The following PIK3C2G variants were observed in gnomAD, a reference collection of about 807,000 sequenced individuals.
PIK3C2G encodes phosphatidylinositol-4-phosphate 3-kinase catalytic subunit type 2 gamma.
In PIK3C2G, 168 loss-of-function variants were observed where a neutral mutation model predicts 181.1. The ratio of observed to expected loss-of-function variants is 0.93; its 90% CI spans 0.82 to 1.05. PIK3C2G has a LOEUF of 1.05. Ranked by LOEUF, PIK3C2G falls within the 50% of genes least tolerant of loss-of-function variation. PIK3C2G has a pLI of 0.00. For missense variants in PIK3C2G, 1,869 were observed against 1,732.8 expected, an observed-to-expected ratio of 1.08 and a Z score of -1.40; for synonymous variants, 573 against 592.2, an observed-to-expected ratio of 0.97 and a Z score of 0.47.
rs775364821 is a variant in PIK3C2G, at chr12:18,362,857, AT to A, written c.1727del (p.Phe576SerfsTer15). ...NYRNIPDKKL[F>X]FFLVNWNETI... Reference sequence around the variant, plus strand: ...ACAGAAATATTCCAGACAAGAAATTATTTTTTTTCTTGGTCAACTGGAATGA... The same window carrying A: ...ACAGAAATATTCCAGACAAGAAATTATTTTTTTCTTGGTCAACTGGAATGA... On this transcript the variant is annotated frameshift_variant, in exon 12 of 33. Transcript: ENST00000538779. LOFTEE classifies it high-confidence loss of function. The A allele has an allele frequency of 3.7e-5, 56 of 1,513,270 alleles. No individual in the cohort carries two copies. The highest frequency in any genetic ancestry group is 4.3e-5 in the Non-Finnish European group (49 of 1,134,694). The allele number at this position is 1,513,270 out of a possible 1,614,324, so 93.7% of individuals were successfully genotyped here. A position where few individuals can be genotyped will look rare whatever the true frequency, so the allele number is the denominator to read the frequency against.
intron 5 of PIK3C2G, among the ~76,000 whole-genome samples, chr12:18,299,759 T>G (rs1207742104): frequency 2.0e-5 from 3 of 152,020 alleles, no homozygotes; most frequent in Non-Finnish European, 2.9e-5. Flanking sequence ...TTTAGTTTCA[T>G]CAGATACTTT....
chr12:18,565,018 G>A (rs1945553128), intron 28 of PIK3C2G, among the ~76,000 whole-genome samples: 1 of 152,076 alleles, frequency 6.6e-6, no homozygotes, highest in African/African-American at 2.4e-5. Flanking sequence ...ACTGCTGCCT[G>A]GAGGTTCTTA....
intron 18 of PIK3C2G, among the ~76,000 whole-genome samples, chr12:18,470,247 T>G (rs1362562602): frequency 1.3e-5 from 2 of 151,982 alleles, no homozygotes; most frequent in African/African-American, 4.8e-5. Context: ...AGCATTTGGG[T>G]TGAGTTAGTC....
intron 12 of PIK3C2G, among the ~76,000 whole-genome samples, chr12:18,367,624 G>A (rs753663965): frequency 1.8e-4 from 27 of 151,388 alleles, no homozygotes; most frequent in African/African-American, 5.6e-4. Flanking sequence ...GTGTGATCTC[G>A]GCTCACTGCA....
intron 18 of PIK3C2G, among the ~76,000 whole-genome samples, chr12:18,487,668 C>T (rs568381110): frequency 2.6e-5 from 4 of 152,008 alleles, no homozygotes; most frequent in Non-Finnish European, 5.9e-5. Flanking sequence ...CTCACTTCGT[C>T]GTGATTTATG....
intron 12 of PIK3C2G, among the ~76,000 whole-genome samples, chr12:18,363,995 A>G (rs1333080789): frequency 1.3e-5 from 2 of 152,122 alleles, no homozygotes; most frequent in Admixed American, 6.5e-5. Flanking sequence ...TCTTTCATAG[A>G]ATCAACTCTG....
intron 26 of PIK3C2G, among the ~76,000 whole-genome samples, chr12:18,557,055 T>C (rs1246737684): frequency 6.6e-6 from 1 of 152,114 alleles, no homozygotes; most frequent in African/African-American, 2.4e-5. Flanking sequence ...CTTTGATAGA[T>C]GCCAACCCAG....
intron 20 of PIK3C2G, among the ~76,000 whole-genome samples, chr12:18,494,053 T>A (rs924792875): frequency 6.6e-5 from 10 of 152,218 alleles, no homozygotes; most frequent in African/African-American, 2.2e-4. Context: ...AATTTTTAGA[T>A]ATCTGTCATT....
chr12:18,724,688 T>C, the PIK3C2G span, among the ~76,000 whole-genome samples: 1 of 152,140 alleles, frequency 6.6e-6, no homozygotes, highest in Non-Finnish European at 1.5e-5. Context: ...CAACTTACTG[T>C]TTTTAAATTC....
At chr12:18,519,492 A>G (rs1413610058) in intron 24 of PIK3C2G, among the ~76,000 whole-genome samples, 1 of 151,638 alleles carries the variant, frequency 6.6e-6, no homozygotes, top group African/African-American at 2.4e-5. Flanking sequence ...GTCTTTTTTG[A>G]TCTTTGTTGG....
intron 18 of PIK3C2G, among the ~76,000 whole-genome samples, chr12:18,440,802 G>A (rs942873623): frequency 2.0e-5 from 3 of 152,092 alleles, no homozygotes; most frequent in Admixed American, 2.0e-4. Flanking sequence ...AGAGGGCTCT[G>A]AGAAGATGAA....
chr12:18,371,736 A>G (rs562973230), intron 13 of PIK3C2G, among the ~76,000 whole-genome samples: 3 of 152,256 alleles, frequency 2.0e-5, no homozygotes, highest in South Asian at 2.1e-4. Context: ...ATATTTAGTA[A>G]TTTTAAGGTG....
chr12:18,497,432 A>G (rs142519632), intron 21 of PIK3C2G, among the ~76,000 whole-genome samples, 187 bp from the exon 22 acceptor site: 74 of 152,334 alleles, frequency 4.9e-4, no homozygotes, highest in African/African-American at 1.7e-3. Flanking sequence ...ATTTAAAAGG[A>G]AGTTCTCATT....
At chr12:18,600,560 A>C (rs1450735403) in intron 30 of PIK3C2G, among the ~76,000 whole-genome samples, 2 of 152,216 alleles carry the variant, frequency 1.3e-5, no homozygotes, top group South Asian at 2.1e-4. Context: ...ATGAGTCACT[A>C]TCTAACCTAA....
intron 18 of PIK3C2G, among the ~76,000 whole-genome samples, chr12:18,425,350 G>A (rs1349506337): frequency 6.7e-6 from 1 of 149,546 alleles, no homozygotes; most frequent in African/African-American, 2.5e-5. Flanking sequence ...GAAGGAAATG[G>A]GTTGCTTTTT....
intron 18 of PIK3C2G, among the ~76,000 whole-genome samples, chr12:18,449,581 G>A (rs752519859): frequency 2.0e-5 from 3 of 152,096 alleles, no homozygotes; most frequent in Non-Finnish European, 2.9e-5. Context: ...TTAGTTTGCT[G>A]AGAATGATGG....
At chr12:18,498,392 A>G (rs2136093437) in intron 22 of PIK3C2G, among the ~76,000 whole-genome samples, 1 of 152,344 alleles carries the variant, frequency 6.6e-6, no homozygotes, top group Admixed American at 6.5e-5. Context: ...ACTTAATTAC[A>G]ATAATGCCAA....
At chr12:18,636,290 T>A (rs899419374) in intron 31 of PIK3C2G, among the ~76,000 whole-genome samples, 6 of 152,156 alleles carry the variant, frequency 3.9e-5, no homozygotes, top group Non-Finnish European at 8.8e-5. Context: ...TGGAGTACAA[T>A]GGCACGATCT....
the PIK3C2G span, among the ~76,000 whole-genome samples, chr12:18,720,631 T>C: frequency 6.6e-6 from 1 of 151,978 alleles, no homozygotes. Context: ...GTTGCTATTA[T>C]TACTGTTGAT....
Sources: gnomAD v4.1 joint callset for allele counts (sites outside exome capture counted in the v4.1 genomes callset) on GRCh38, gnomAD v4.1.1 for gene constraint, MANE v1.5 for transcripts, NCBI Gene and HGNC (gene_info 2026-07-23, HGNC 2026-07-21) for gene names.